Variants in MCC observed in about 807,000 individuals in gnomAD.
The protein encoded by MCC is colorectal mutant cancer protein.
A neutral mutation model predicts 116.2 loss-of-function variants in MCC; 90 were observed. That is an observed-to-expected ratio of 0.77 (90% CI 0.65 to 0.92). The LOEUF (loss-of-function observed/expected upper bound fraction) is 0.92. Ranked by LOEUF, MCC falls within the 40% of genes least tolerant of loss-of-function variation. MCC has a pLI of 0.00. For missense variants in MCC, 1,516 were observed against 1,312.2 expected, an observed-to-expected ratio of 1.16 and a Z score of -2.40; for synonymous variants, 578 against 510.5, an observed-to-expected ratio of 1.13 and a Z score of -1.78.
At chr5:113,411,515 T>A (rs997818532) in intron 1 of MCC, among the ~76,000 whole-genome samples, 75 of 152,254 alleles carry the variant, frequency 4.9e-4, no homozygotes, top group African/African-American at 6.5e-4. Flanking sequence ...TAGACATTTG[T>A]CAGATAAGGT....
intron 3 of MCC, among the ~76,000 whole-genome samples, chr5:113,236,500 T>C (rs915538589): frequency 3.3e-5 from 5 of 152,212 alleles, no homozygotes; most frequent in Non-Finnish European, 7.3e-5. Context: ...GTGTCTCCAC[T>C]TCCTCATCTG....
chr5:113,358,031 C>A (rs1255041893), intron 2 of MCC, among the ~76,000 whole-genome samples: 1 of 152,204 alleles, frequency 6.6e-6, no homozygotes, highest in Non-Finnish European at 1.5e-5. Context: ...CCATTTCTCA[C>A]TCTGCCTTAT....
chr5:113,083,657 G>A (rs1755014110), intron 10 of MCC, among the ~76,000 whole-genome samples: 1 of 152,190 alleles, frequency 6.6e-6, no homozygotes, highest in Admixed American at 6.5e-5. Flanking sequence ...GAACTAAAGT[G>A]AAGGTTCTGG....
intron 3 of MCC, among the ~76,000 whole-genome samples, chr5:113,214,029 T>C (rs1763222775): frequency 6.6e-6 from 1 of 152,180 alleles, no homozygotes; most frequent in South Asian, 2.1e-4. Context: ...GGACTGATGT[T>C]TTTTGCAATA....
chr5:113,320,681 CA>C (rs945033031), intron 3 of MCC, among the ~76,000 whole-genome samples: 138 of 152,240 alleles, frequency 9.1e-4, no homozygotes, highest in African/African-American at 3.2e-3. Context: ...CTATTGCTTC[CA>C]AAAAAGGTGA....
intron 3 of MCC, among the ~76,000 whole-genome samples, chr5:113,326,277 T>G (rs1767550388): frequency 6.6e-6 from 1 of 152,188 alleles, no homozygotes; most frequent in Admixed American, 6.5e-5. Context: ...CATTACATAC[T>G]ATTTATGTAT....
At chr5:113,048,411 C>T (rs1031566939) in intron 16 of MCC, among the ~76,000 whole-genome samples, 7 of 152,298 alleles carry the variant, frequency 4.6e-5, no homozygotes, top group South Asian at 4.1e-4. Flanking sequence ...CCAGCATAGC[C>T]GCAGTGTAGA....
At chr5:113,313,476 T>C (rs1581392708) in intron 3 of MCC, among the ~76,000 whole-genome samples, 2 of 152,134 alleles carry the variant, frequency 1.3e-5, no homozygotes, top group South Asian at 4.2e-4. Context: ...GGCCCGAGAG[T>C]TCCTGTCATA....
At chr5:113,445,457 G>T (rs146678485) in intron 1 of MCC, among the ~76,000 whole-genome samples, 1 of 152,038 alleles carries the variant, frequency 6.6e-6, no homozygotes, top group Non-Finnish European at 1.5e-5. Context: ...CAGTAATAAC[G>T]TTCAAGCTAA....
At chr5:113,339,440 C>CGCGCGT in intron 3 of MCC, among the ~76,000 whole-genome samples, 1 of 82,548 alleles carries the variant, frequency 1.2e-5, no homozygotes, top group South Asian at 3.1e-4. Context: ...TGTGTGTGTG[C>CGCGCGT]GTGCATGTGT....
chr5:113,223,937 A>G (rs1289275643), intron 3 of MCC, among the ~76,000 whole-genome samples: 3 of 152,156 alleles, frequency 2.0e-5, no homozygotes, highest in African/African-American at 7.2e-5. Context: ...AAGGACTCCT[A>G]GACCTTCCCC....
chr5:113,249,486 T>C (rs575537775), intron 3 of MCC, among the ~76,000 whole-genome samples: 2 of 152,342 alleles, frequency 1.3e-5, no homozygotes, highest in Admixed American at 6.5e-5. Flanking sequence ...GATTTCCTTT[T>C]ACGTCTGCCA....
intron 17 of MCC, among the ~76,000 whole-genome samples, chr5:113,036,208 T>C (rs1163885959): frequency 1.3e-5 from 2 of 151,990 alleles, no homozygotes; most frequent in Non-Finnish European, 2.9e-5. Flanking sequence ...CAGCTCATTT[T>C]TGTATTTTTA....
intron 3 of MCC, among the ~76,000 whole-genome samples, chr5:113,233,773 G>A (rs940665697): frequency 2.6e-5 from 4 of 152,092 alleles, no homozygotes; most frequent in Admixed American, 2.0e-4. Context: ...ATATTTGGCT[G>A]CCCCAAATCC....
chr5:113,084,865 T>C (rs1333554098), intron 9 of MCC, among the ~76,000 whole-genome samples: 1 of 152,228 alleles, frequency 6.6e-6, no homozygotes, highest in Admixed American at 6.5e-5. Flanking sequence ...CTGTCCACTG[T>C]GAAGTACTGG....
intron 15 of MCC, among the ~76,000 whole-genome samples, chr5:113,050,317 A>C (rs1295465264): frequency 6.6e-6 from 1 of 152,040 alleles, no homozygotes; most frequent in Admixed American, 6.6e-5. Flanking sequence ...CCACCAGCCC[A>C]TGGCCACCAG....
chr5:113,134,101 T>C (rs542650137), intron 5 of MCC, among the ~76,000 whole-genome samples: 1 of 152,362 alleles, frequency 6.6e-6, no homozygotes, highest in South Asian at 2.1e-4. Flanking sequence ...TTGTATAGTT[T>C]TGCTATCATT....
chr5:113,461,577 G>C (rs1041629543), intron 1 of MCC, among the ~76,000 whole-genome samples: 1 of 150,232 alleles, frequency 6.7e-6, no homozygotes. Flanking sequence ...AGGCCGAGTT[G>C]GGAGGACTGC....
intron 3 of MCC, among the ~76,000 whole-genome samples, chr5:113,156,793 G>A (rs936870345): frequency 3.9e-5 from 6 of 152,186 alleles, no homozygotes; most frequent in African/African-American, 1.2e-4. Flanking sequence ...TTTACAGTGT[G>A]TATCCAAACG....
Sources: gnomAD v4.1 joint callset for allele counts (sites outside exome capture counted in the v4.1 genomes callset) on GRCh38, gnomAD v4.1.1 for gene constraint, MANE v1.5 for transcripts, NCBI Gene and HGNC (gene_info 2026-07-23, HGNC 2026-07-21) for gene names.